The following AUTS2 variants were observed in gnomAD, a reference collection of about 807,000 sequenced individuals.
The protein encoded by AUTS2 is activator of transcription and developmental regulator AUTS2.
A neutral mutation model predicts 112.4 loss-of-function variants in AUTS2; 17 were observed. The observed-to-expected ratio is 0.15, with a 90% CI of 0.10 to 0.23. AUTS2 has a LOEUF of 0.23. Among genes scored for constraint, AUTS2 ranks in the 10% least tolerant of loss-of-function variants. The pLI, the probability that AUTS2 is intolerant of heterozygous loss-of-function variation, is 1.00. For missense variants in AUTS2, 1,510 were observed against 1,701.6 expected (o/e 0.89, Z 1.98); for synonymous variants, 751 against 702.7 (o/e 1.07, Z -1.09).
intron 1 of AUTS2, among the ~76,000 whole-genome samples, chr7:69,848,696 G>T (rs143665809): frequency 7.3e-4 from 111 of 152,264 alleles, no homozygotes; most frequent in Non-Finnish European, 1.4e-3. Context: ...CACGTCAAAG[G>T]ATTCTGTGAA....
At chr7:70,555,523 C>A (rs1001086381) in intron 5 of AUTS2, among the ~76,000 whole-genome samples, 1 of 152,102 alleles carries the variant, frequency 6.6e-6, no homozygotes, top group Non-Finnish European at 1.5e-5. Flanking sequence ...CTGGGACCCT[C>A]ATATTCTTGG....
At position 70,763,334 on chromosome 7, in the gene AUTS2, A is replaced by C. The variant is rs1481695663; in HGVS notation, c.1207A>C (p.Ser403Arg). The C allele has an allele frequency of 6.4e-7, 1 of 1,555,630 alleles. No individual in the cohort carries two copies. Among genetic ancestry groups the C allele is most frequent in the Non-Finnish European group, 8.7e-7 (1 of 1,149,652 alleles). ...AYNSSSLSLN[S>R]LSSSRSSTPA... ...CAACAGCAGTAGCTTAAGCCTCAAC[A>C]GTTTAAGGTGAGTGGCCTGCTCTTC... The change falls in exon 7 of 19, where the codon AGT becomes CGT. Residue 403 changes from serine to arginine, a missense_variant. Physicochemically the swap from Ser to Arg is moderately radical, Grantham distance 110 (BLOSUM62 -1). Coordinates refer to ENST00000342771, the MANE Select transcript of AUTS2 (RefSeq NM_015570.4).
intron 1 of AUTS2, among the ~76,000 whole-genome samples, chr7:69,631,878 G>A (rs1172861875): frequency 6.6e-6 from 1 of 152,108 alleles, no homozygotes; most frequent in Non-Finnish European, 1.5e-5. Context: ...TATCCCTAAG[G>A]ATAACTTTAT....
chr7:70,228,383 C>T (rs1285470207), intron 4 of AUTS2, among the ~76,000 whole-genome samples: 1 of 151,390 alleles, frequency 6.6e-6, no homozygotes, highest in Non-Finnish European at 1.5e-5. Context: ...TCCAGTCTAA[C>T]AATCTCTTTT....
intron 5 of AUTS2, among the ~76,000 whole-genome samples, chr7:70,479,953 C>T (rs149721654): frequency 6.6e-6 from 1 of 152,304 alleles, no homozygotes; most frequent in Non-Finnish European, 1.5e-5. Context: ...TTTAGGTCTT[C>T]TTGTGTTCCA....
chr7:70,247,151 G>T (rs900324128), intron 4 of AUTS2, among the ~76,000 whole-genome samples: 66 of 152,216 alleles, frequency 4.3e-4, no homozygotes, highest in African/African-American at 1.5e-3. Context: ...TAAACAAAAT[G>T]TAGTATATTT....
chr7:70,273,697 T>C (rs1044329664), intron 4 of AUTS2, among the ~76,000 whole-genome samples: 1 of 152,108 alleles, frequency 6.6e-6, no homozygotes, highest in African/African-American at 2.4e-5. Context: ...CACCCCCATA[T>C]ATATTCAAGT....
chr7:70,031,450 A>G (rs1408875059), intron 2 of AUTS2, among the ~76,000 whole-genome samples: 1 of 152,160 alleles, frequency 6.6e-6, no homozygotes, highest in African/African-American at 2.4e-5. Context: ...CCTGATTAGC[A>G]TTTATCTAAA....
intron 2 of AUTS2, among the ~76,000 whole-genome samples, chr7:70,038,533 T>A (rs1801107992): frequency 6.6e-6 from 1 of 152,210 alleles, no homozygotes; most frequent in Non-Finnish European, 1.5e-5. Flanking sequence ...AGATTATTTT[T>A]ATTGTTTAAA....
intron 2 of AUTS2, among the ~76,000 whole-genome samples, chr7:70,108,534 A>C (rs577238364): frequency 1.3e-5 from 2 of 152,120 alleles, no homozygotes; most frequent in South Asian, 4.2e-4. Flanking sequence ...CCCCCTTCCC[A>C]ATAGGTATTG....
intron 3 of AUTS2, among the ~76,000 whole-genome samples, chr7:70,132,867 C>G (rs1806351673): frequency 2.6e-5 from 4 of 152,134 alleles, no homozygotes; most frequent in African/African-American, 9.7e-5. Context: ...CATGGTCTCT[C>G]TGAGTAATTC....
chr7:70,189,027 C>T (rs998761261), intron 4 of AUTS2, among the ~76,000 whole-genome samples: 3 of 152,032 alleles, frequency 2.0e-5, no homozygotes, highest in Non-Finnish European at 4.4e-5. Flanking sequence ...CAAGAACAGC[C>T]AGAATTGCCC....
At chr7:69,790,682 C>A (rs1789573493) in intron 1 of AUTS2, among the ~76,000 whole-genome samples, 1 of 152,178 alleles carries the variant, frequency 6.6e-6, no homozygotes, top group Non-Finnish European at 1.5e-5. Context: ...TGGCACATAG[C>A]AAGTACTATT....
chr7:70,186,962 G>A lies in AUTS2; in HGVS notation c.660+52391G>A, dbSNP rs190865081. On this transcript the variant is annotated intron_variant, in intron 4 of 18. Transcript: ENST00000342771. ...TTTTTTAGATAAGGAAACTGAGGCA[G>A]CAGAGGTTAAAGAAACTTGCCCAAA... 1.2e-4 allele frequency among the ~76,000 whole-genome samples: 18 copies of A among 152,318 alleles called. No individual in the cohort carries two copies. In the East Asian group the frequency reaches 2.9e-3, roughly 24 times the overall value.
At chr7:69,676,743 A>AT (rs1384438241) in intron 1 of AUTS2, among the ~76,000 whole-genome samples, 1 of 151,634 alleles carries the variant, frequency 6.6e-6, no homozygotes, top group Non-Finnish European at 1.5e-5. Flanking sequence ...TTTTTAGTTA[A>AT]TTTTTCAGTG....
chr7:69,826,240 T>C (rs1193887736), intron 1 of AUTS2, among the ~76,000 whole-genome samples: 4 of 152,220 alleles, frequency 2.6e-5, no homozygotes, highest in Non-Finnish European at 1.5e-5. Context: ...TTTATAGTTT[T>C]CCTGTCCAGA....
At chr7:69,757,912 A>C (rs1788007271) in intron 1 of AUTS2, among the ~76,000 whole-genome samples, 1 of 152,230 alleles carries the variant, frequency 6.6e-6, no homozygotes, top group African/African-American at 2.4e-5. Flanking sequence ...GTTTGGTTGA[A>C]ATACAGAAAC....
Position 70,716,994 on chromosome 7 carries a change from A to AT in AUTS2, c.742+18394dup, listed in dbSNP as rs1159029938. ...TATGGCTGGAAATCTCAGTGGAGTT[A>AT]TTTTTTTTTTTTTTTTTTTTATTAC... On this transcript the variant is annotated intron_variant, in intron 6 of 18. Coordinates refer to ENST00000342771, the MANE Select transcript of AUTS2 (RefSeq NM_015570.4). Among the ~76,000 whole-genome samples, 113 of 71,730 alleles carry AT rather than the reference A, an allele frequency of 1.6e-3. 1 individual carries two copies. Among genetic ancestry groups the AT allele is most frequent in the Middle Eastern group, 0.013 (2 of 150 alleles). The allele number at this position is 71,730 out of a possible 152,430, so 47.1% of individuals were successfully genotyped here.
At chr7:70,648,073 G>A (rs566188618) in intron 5 of AUTS2, among the ~76,000 whole-genome samples, 29 of 152,178 alleles carry the variant, frequency 1.9e-4, no homozygotes, top group African/African-American at 6.0e-4. Flanking sequence ...TCTTTGCCTC[G>A]GTTTCTCATT....
Sources: allele counts gnomAD v4.1 joint callset (sites outside exome capture counted in the v4.1 genomes callset), GRCh38; gene constraint gnomAD v4.1.1; transcripts MANE v1.5; gene names NCBI Gene and HGNC (gene_info 2026-07-23, HGNC 2026-07-21).